The following EPHA5 variants were observed in gnomAD, a reference collection of about 807,000 sequenced individuals.
EPHA5 encodes the protein EPH receptor A5, also known as ephrin type-A receptor 5.
Under a neutral mutation model 105.0 loss-of-function variants are expected in EPHA5, and 60 were observed. That is an observed-to-expected ratio of 0.57 (90% CI 0.46 to 0.71). The LOEUF (loss-of-function observed/expected upper bound fraction) is 0.71. Ranked by LOEUF, EPHA5 falls within the 30% of genes least tolerant of loss-of-function variation. The pLI is 0.00. For missense variants in EPHA5, 1,218 were observed against 1,274.7 expected (o/e 0.96, Z 0.68); for synonymous variants, 513 against 449.1 (o/e 1.14, Z -1.80).
intron 16 of EPHA5, among the ~76,000 whole-genome samples, chr4:65,330,289 G>A (rs936102784): frequency 6.6e-6 from 1 of 150,930 alleles, no homozygotes; most frequent in African/African-American, 2.4e-5. Flanking sequence ...GGGCTTGAAA[G>A]AAAACAAAAA....
intron 5 of EPHA5, among the ~76,000 whole-genome samples, chr4:65,487,220 G>A (rs926809739): frequency 3.9e-5 from 6 of 152,234 alleles, no homozygotes; most frequent in African/African-American, 1.4e-4. Flanking sequence ...AGAAAATTAT[G>A]ACAGTTAAAG....
chr4:65,527,256 AGAATACTACATTGCAAT>A (rs1345154602), intron 3 of EPHA5, among the ~76,000 whole-genome samples: 2 of 152,154 alleles, frequency 1.3e-5, no homozygotes, highest in Non-Finnish European at 2.9e-5. Flanking sequence ...AACCTATAAT[AGAATACTACATTGCAAT>A]GAAATTAAAT....
intron 5 of EPHA5, among the ~76,000 whole-genome samples, chr4:65,474,152 C>T (rs915593816): frequency 2.2e-4 from 33 of 151,644 alleles, no homozygotes; most frequent in South Asian, 4.2e-4. Context: ...CACATGTACC[C>T]TAGAACTTAA....
At position 65,669,633 on chromosome 4, in the gene EPHA5, C is replaced by A. The variant is rs963468479; in HGVS notation, c.110G>T (p.Arg37Leu). ...SLAGCYSAPR[R>L]APLWTCLLLC... Reference sequence around the variant, plus strand: ...GAGAAGGCACGTCCAGAGGGGAGCCCGTCGAGGTGCAGAGTAGCAGCCGGC... The same window carrying A: ...GAGAAGGCACGTCCAGAGGGGAGCCAGTCGAGGTGCAGAGTAGCAGCCGGC... Residue 37 changes from arginine (R) to leucine (L), a missense_variant, in exon 1 of 17, where the codon CGG becomes CTG. Arg to Leu is a moderately radical substitution (Grantham distance 102). Around this residue, in one of 3 missense-constraint regions of EPHA5, gnomAD observed 233 missense variants for 227.5 expected, o/e 1.02. Coordinates refer to ENST00000613740, the MANE Select transcript of EPHA5 (RefSeq NM_001281766.3). 6 of 1,412,578 alleles carry A rather than the reference C, an allele frequency of 4.2e-6. No individual in the cohort carries two copies. The African/African-American group carries it at 7.4e-5, about 17-fold the overall frequency. 87.5% of individuals were successfully genotyped at this position (1,412,578 alleles called of 1,614,324 possible). A position where few individuals can be genotyped will look rare whatever the true frequency, so the allele number is the denominator to read the frequency against.
chr4:65,323,873 A>T lies in EPHA5; in HGVS notation c.*241T>A, dbSNP rs2148775335. 3.0e-6 allele frequency: 1 copy of T among 331,958 alleles called. No homozygotes were observed. Among genetic ancestry groups the T allele is most frequent in the Non-Finnish European group, 5.6e-6 (1 of 179,700 alleles). 20.6% of individuals were successfully genotyped at this position (331,958 alleles called of 1,614,324 possible). ...GATTCTGTTGTTGTAACTTAAGATG[A>T]TGTCTAACTTCATGTCCCTTTTAAT... On this transcript the variant is annotated 3_prime_UTR_variant, in exon 17 of 17. Transcript: ENST00000613740.
At chr4:65,654,898 A>T (rs1431980730) in intron 1 of EPHA5, among the ~76,000 whole-genome samples, 3 of 147,382 alleles carry the variant, frequency 2.0e-5, no homozygotes, top group Non-Finnish European at 3.0e-5. Context: ...AATATATATA[A>T]ATATACATTT....
intron 13 of EPHA5, 126 bp from the exon 14 acceptor site, chr4:65,348,329 A>C: frequency 1.3e-6 from 1 of 790,210 alleles, no homozygotes; most frequent in Non-Finnish European, 2.0e-6. Context: ...GACAGCGCGC[A>C]GTGTCTTTTC....
intron 2 of EPHA5, among the ~76,000 whole-genome samples, chr4:65,638,867 A>T (rs1379923800): frequency 6.6e-6 from 1 of 152,236 alleles, no homozygotes; most frequent in Non-Finnish European, 1.5e-5. Context: ...ACTCTGGTGT[A>T]AGACATTGTA....
chr4:65,480,183 T>G (rs1215934894), intron 5 of EPHA5, among the ~76,000 whole-genome samples: 1 of 152,228 alleles, frequency 6.6e-6, no homozygotes, highest in Admixed American at 6.6e-5. Flanking sequence ...TTCAACTAAT[T>G]GTAAAACCAG....
At chr4:65,651,151 T>G (rs1389077860) in intron 1 of EPHA5, among the ~76,000 whole-genome samples, 1 of 152,204 alleles carries the variant, frequency 6.6e-6, no homozygotes, top group Non-Finnish European at 1.5e-5. Context: ...TTCCTGGAAC[T>G]GATACAGTCA....
chr4:65,499,828 T>A (rs1008704747), intron 3 of EPHA5, among the ~76,000 whole-genome samples: 1 of 107,632 alleles, frequency 9.3e-6, no homozygotes, highest in East Asian at 2.4e-4. Flanking sequence ...AAATGTATAA[T>A]CTTTTTTTTT....
rs185031122 is a variant in EPHA5, at chr4:65,649,088, T to C, written c.182-5661A>G. 2.0e-5 allele frequency among the ~76,000 whole-genome samples: 3 copies of C among 152,324 alleles called. No individual in the cohort carries two copies. In the East Asian group the frequency reaches 5.8e-4, roughly 29 times the overall value. ...AGACAATGAATGGAAGAGTATTTAT[T>C]TTACAATTCTGAGCAATCCATATGC... On this transcript the variant is annotated intron_variant, in intron 1 of 16. Transcript: ENST00000613740.
chr4:65,473,420 G>T (rs1417361379), intron 5 of EPHA5, among the ~76,000 whole-genome samples: 1 of 152,124 alleles, frequency 6.6e-6, no homozygotes, highest in Non-Finnish European at 1.5e-5. Flanking sequence ...ATAAACAAAG[G>T]AGGTTTAATT....
At chr4:65,335,338 A>G (rs907336364) in intron 15 of EPHA5, among the ~76,000 whole-genome samples, 1 of 152,018 alleles carries the variant, frequency 6.6e-6, no homozygotes, top group African/African-American at 2.4e-5. Flanking sequence ...CTATTCAGAA[A>G]AGTAAAAAAT....
intron 5 of EPHA5, among the ~76,000 whole-genome samples, chr4:65,447,692 T>C (rs1033458104): frequency 3.3e-5 from 5 of 151,978 alleles, no homozygotes; most frequent in Non-Finnish European, 7.4e-5. Flanking sequence ...TTACCACAGA[T>C]GAATCTATTT....
chr4:65,465,013 CAA>C (rs756466632), intron 5 of EPHA5, among the ~76,000 whole-genome samples: 16 of 151,958 alleles, frequency 1.1e-4, no homozygotes, highest in Non-Finnish European at 1.6e-4. Flanking sequence ...AACATTACAA[CAA>C]AGTTATGTAA....
chr4:65,596,266 A>G (rs879846777), intron 3 of EPHA5, among the ~76,000 whole-genome samples: 1 of 152,168 alleles, frequency 6.6e-6, no homozygotes, highest in Non-Finnish European at 1.5e-5. Flanking sequence ...ATTTTCCCCC[A>G]GTGAATATTA....
intron 5 of EPHA5, among the ~76,000 whole-genome samples, chr4:65,429,867 G>T (rs1226770541): frequency 6.6e-6 from 1 of 152,016 alleles, no homozygotes; most frequent in African/African-American, 2.4e-5. Context: ...GCTACAGAAT[G>T]ACTGGGAGAC....
intron 3 of EPHA5, among the ~76,000 whole-genome samples, chr4:65,505,300 A>T (rs1732898556): frequency 6.6e-6 from 1 of 152,042 alleles, no homozygotes; most frequent in Admixed American, 6.6e-5. Flanking sequence ...ATGAGAGTTC[A>T]TCTTGACACA....
Sources: allele counts gnomAD v4.1 joint callset (sites outside exome capture counted in the v4.1 genomes callset), GRCh38; gene constraint gnomAD v4.1.1; regional missense constraint gnomAD v4.1.1; transcripts MANE v1.5; gene names NCBI Gene and HGNC (gene_info 2026-07-23, HGNC 2026-07-21).